Variants in MARCHF1 observed in about 807,000 individuals in gnomAD.
MARCHF1 encodes E3 ubiquitin-protein ligase MARCHF1.
MARCHF1 carries 40 observed loss-of-function variants against 54.2 expected under a neutral mutation model. The observed-to-expected ratio is 0.74, with a 90% CI of 0.57 to 0.96. The LOEUF (loss-of-function observed/expected upper bound fraction) is 0.96, where lower values mean the gene tolerates loss of function less well. Ranked by LOEUF, MARCHF1 falls within the 40% of genes least tolerant of loss-of-function variation. The probability of loss-of-function intolerance (pLI) is 0.00; values close to 1 mark genes in which losing one functional copy is unlikely to be tolerated. For synonymous variants in MARCHF1, 236 were observed against 236.3 expected (o/e 1.00, Z 0.01); for missense variants, 586 against 656.5 (o/e 0.89, Z 1.17).
intron 1 of MARCHF1, among the ~76,000 whole-genome samples, chr4:164,382,703 C>T (rs1417896780): frequency 6.6e-6 from 1 of 152,082 alleles, no homozygotes; most frequent in Admixed American, 6.5e-5. Context: ...AATTGAACCT[C>T]CTAAACAAGG....
At chr4:163,850,183 C>T (rs1289755937) in intron 4 of MARCHF1, among the ~76,000 whole-genome samples, 2 of 152,160 alleles carry the variant, frequency 1.3e-5, no homozygotes, top group Non-Finnish European at 2.9e-5. Flanking sequence ...ATCTTTATTG[C>T]ACCACCACCA....
At chr4:163,839,343 A>G (rs1749274569) in intron 4 of MARCHF1, among the ~76,000 whole-genome samples, 1 of 152,052 alleles carries the variant, frequency 6.6e-6, no homozygotes, top group Admixed American at 6.6e-5. Flanking sequence ...TTACCATAAG[A>G]CCAATCAATT....
intron 1 of MARCHF1, among the ~76,000 whole-genome samples, chr4:164,247,505 C>G (rs1337571418): frequency 6.6e-6 from 1 of 151,014 alleles, no homozygotes; most frequent in Admixed American, 6.6e-5. Context: ...ATACCTAATG[C>G]TAGATGACGA....
Position 164,121,392 on chromosome 4 carries a change from G to A in MARCHF1, c.-322-9730C>T, listed in dbSNP as rs115207296. Among the ~76,000 whole-genome samples, 1,311 of 152,198 alleles carry A rather than the reference G, an allele frequency of 8.6e-3. 14 individuals are homozygous for A. Among genetic ancestry groups the A allele is most frequent in the East Asian group, 0.043 (223 of 5,172 alleles). On this transcript the variant is annotated intron_variant, in intron 1 of 9. Transcript: ENST00000514618. ...TGACTGATAGTTCTGCATGGCTGAA[G>A]AGGACTCAGGAAACTTACAATCATG...
chr4:164,141,201 T>C (rs550715561), intron 1 of MARCHF1, among the ~76,000 whole-genome samples: 4 of 152,312 alleles, frequency 2.6e-5, no homozygotes, highest in African/African-American at 7.2e-5. Context: ...TTGTGGCAAA[T>C]GTATGCCACT....
chr4:164,261,170 G>T (rs1733450731), intron 1 of MARCHF1, among the ~76,000 whole-genome samples: 3 of 152,126 alleles, frequency 2.0e-5, no homozygotes, highest in Admixed American at 6.5e-5. Context: ...TTCTCAGGCA[G>T]CCCAGCCCTA....
At chr4:164,100,663 C>A (rs537580730) in intron 2 of MARCHF1, among the ~76,000 whole-genome samples, 3 of 152,336 alleles carry the variant, frequency 2.0e-5, no homozygotes, top group South Asian at 4.1e-4. Flanking sequence ...ATTAAAACCT[C>A]ATTTATGAGT....
At chr4:163,859,663 G>A (rs1323694561) in intron 3 of MARCHF1, among the ~76,000 whole-genome samples, 1 of 152,042 alleles carries the variant, frequency 6.6e-6, no homozygotes, top group Non-Finnish European at 1.5e-5. Context: ...GCCCGGGCGA[G>A]AAAAGCTTTT....
intron 1 of MARCHF1, among the ~76,000 whole-genome samples, chr4:164,200,179 T>C (rs1047727757): frequency 6.6e-6 from 1 of 152,228 alleles, no homozygotes; most frequent in Admixed American, 6.5e-5. Context: ...ATTTATTGTG[T>C]ATTTGGCTCT....
intron 1 of MARCHF1, among the ~76,000 whole-genome samples, chr4:164,112,175 C>T (rs577980231): frequency 6.6e-6 from 1 of 151,958 alleles, no homozygotes; most frequent in South Asian, 2.1e-4. Context: ...GCAACAGCTT[C>T]ACTTTTGGAT....
intron 2 of MARCHF1, among the ~76,000 whole-genome samples, chr4:164,093,354 A>G (rs1549809): frequency 0.051 from 7,825 of 152,180 alleles, 672 homozygotes; most frequent in African/African-American, 0.18. Flanking sequence ...TTTTATAAAA[A>G]TGGATTTTAT....
intron 3 of MARCHF1, among the ~76,000 whole-genome samples, chr4:163,944,732 G>A (rs999293449): frequency 7.2e-5 from 11 of 152,216 alleles, no homozygotes; most frequent in Non-Finnish European, 1.5e-4. Context: ...TAAAAATCAC[G>A]TTAATTACAG....
At chr4:163,953,498 C>G (rs771641158) in intron 3 of MARCHF1, among the ~76,000 whole-genome samples, 6 of 152,000 alleles carry the variant, frequency 3.9e-5, no homozygotes, top group Non-Finnish European at 7.4e-5. Flanking sequence ...GTTCTCTTTG[C>G]TTCTTTCTCT....
rs1205074343 is a variant in MARCHF1 at position 163,700,796 on chromosome 4, A to G, written c.162+17T>C. 1.3e-6 allele frequency: 2 copies of G among 1,532,286 alleles called. No homozygotes were observed. Among genetic ancestry groups the G allele is most frequent in the East Asian group, 4.9e-5 (2 of 40,784 alleles). 94.9% of individuals were successfully genotyped at this position (1,532,286 alleles called of 1,614,324 possible). On this transcript the variant is annotated intron_variant, in intron 5 of 9. Transcript: ENST00000514618. ...AGTGCAGAAGTCAACAAACAAGAAA[A>G]TGAGTACTTCACCTACTTTTGAAAT... is the stretch of plus-strand genomic sequence containing the variant.
At chr4:163,639,300 T>C (rs549820288) in intron 5 of MARCHF1, among the ~76,000 whole-genome samples, 9 of 152,258 alleles carry the variant, frequency 5.9e-5, no homozygotes, top group Non-Finnish European at 1.0e-4. Flanking sequence ...CTGATACAAA[T>C]AATTACATGA....
intron 7 of MARCHF1, among the ~76,000 whole-genome samples, chr4:163,609,806 C>T (rs1239553097): frequency 1.3e-5 from 2 of 151,900 alleles, no homozygotes; most frequent in Non-Finnish European, 2.9e-5. Flanking sequence ...AGCACAATCC[C>T]CTTGACCTGC....
intron 3 of MARCHF1, among the ~76,000 whole-genome samples, chr4:163,968,404 C>T (rs970663225): frequency 3.3e-5 from 5 of 152,198 alleles, no homozygotes; most frequent in African/African-American, 1.2e-4. Context: ...TTTCTAAAAT[C>T]GGCATTTGGA....
At chr4:164,140,716 C>T (rs972784332) in intron 1 of MARCHF1, among the ~76,000 whole-genome samples, 3 of 151,834 alleles carry the variant, frequency 2.0e-5, no homozygotes, top group Non-Finnish European at 2.9e-5. Context: ...AGCAGCAGGA[C>T]CTTGATGGAA....
At chr4:164,316,823 A>G (rs1189193034) in intron 1 of MARCHF1, among the ~76,000 whole-genome samples, 1 of 152,076 alleles carries the variant, frequency 6.6e-6, no homozygotes, top group Non-Finnish European at 1.5e-5. Context: ...GAGTTCTCAC[A>G]TGATCTGGTT....
Sources: gnomAD v4.1 joint callset for allele counts (sites outside exome capture counted in the v4.1 genomes callset) on GRCh38, gnomAD v4.1.1 for gene constraint, MANE v1.5 for transcripts, NCBI Gene and HGNC (gene_info 2026-07-23, HGNC 2026-07-21) for gene names.